The following TXNRD1 variants were observed in gnomAD, a reference collection of about 807,000 sequenced individuals.
The protein encoded by TXNRD1 is thioredoxin reductase 1.
A neutral mutation model predicts 80.3 loss-of-function variants in TXNRD1; 57 were observed. That is an observed-to-expected ratio of 0.71 (90% CI 0.57 to 0.89). TXNRD1 has a LOEUF of 0.89. TXNRD1 is among the 40% of genes least tolerant of loss of function. The pLI, the probability that TXNRD1 is intolerant of heterozygous loss-of-function variation, is 0.00. For missense variants in TXNRD1, 730 were observed against 803.0 expected (o/e 0.91, Z 1.10); for synonymous variants, 291 against 285.2 (o/e 1.02, Z -0.20).
chr12:104,217,276 G>A (rs1182770600), intron 1 of TXNRD1, among the ~76,000 whole-genome samples: 2 of 143,836 alleles, frequency 1.4e-5, no homozygotes, highest in African/African-American at 5.2e-5. Context: ...CATTCTTTTT[G>A]TGTGTGGTTA....
At chr12:104,310,274 G>A (rs914446709) in intron 4 of TXNRD1, among the ~76,000 whole-genome samples, 1 of 151,758 alleles carries the variant, frequency 6.6e-6, no homozygotes, top group Admixed American at 6.6e-5. Context: ...CTCAGCCTCC[G>A]GAGTAGCTGA....
intron 4 of TXNRD1, among the ~76,000 whole-genome samples, chr12:104,299,007 TC>T (rs1182358413): frequency 1.3e-5 from 2 of 152,200 alleles, no homozygotes; most frequent in African/African-American, 4.8e-5. Flanking sequence ...CATACTCAAG[TC>T]CCAAAGTCCA....
intron 3 of TXNRD1, among the ~76,000 whole-genome samples, chr12:104,267,699 T>TTCTTTCTTTCTTTCTTTC (rs1555209251): frequency 5.6e-4 from 26 of 46,434 alleles, no homozygotes; most frequent in Non-Finnish European, 1.1e-3. Context: ...CTTTCTTTCT[T>TTCTTTCTTTCTTTCTTTC]TCTCTCTTTC....
intron 3 of TXNRD1, among the ~76,000 whole-genome samples, chr12:104,268,414 A>C (rs2033582105): frequency 6.6e-6 from 1 of 150,604 alleles, no homozygotes; most frequent in South Asian, 2.1e-4. Flanking sequence ...AGTCCCAGCT[A>C]CTCCGGAGGG....
chr12:104,304,322 A>G, intron 4 of TXNRD1: 1 of 1,614,056 alleles, frequency 6.2e-7, no homozygotes, highest in Non-Finnish European at 8.5e-7. Context: ...CGTGGGTCTG[A>G]ATTGGATGGA....
chr12:104,283,144 G>A (rs1056603131), intron 3 of TXNRD1, among the ~76,000 whole-genome samples: 14 of 152,176 alleles, frequency 9.2e-5, no homozygotes, highest in Non-Finnish European at 1.5e-4. Context: ...TAAAAGATGA[G>A]AATCCATACA....
intron 3 of TXNRD1, among the ~76,000 whole-genome samples, chr12:104,274,560 G>C (rs549222219): frequency 6.6e-6 from 1 of 151,916 alleles, no homozygotes; most frequent in African/African-American, 2.4e-5. Flanking sequence ...TTAGCTGGGC[G>C]TGGCAGCGTG....
At chr12:104,255,175 C>T (rs144659265) in intron 2 of TXNRD1, among the ~76,000 whole-genome samples, 1 of 152,052 alleles carries the variant, frequency 6.6e-6, no homozygotes, top group African/African-American at 2.4e-5. Context: ...TTTAACCCTG[C>T]TGTAGTTCTG....
chr12:104,299,376 A>C (rs921151594), intron 4 of TXNRD1, among the ~76,000 whole-genome samples: 1 of 152,088 alleles, frequency 6.6e-6, no homozygotes, highest in African/African-American at 2.4e-5. Context: ...CATTAAAAAA[A>C]AAAATACAGA....
rs559430259 is a variant in TXNRD1, at chr12:104,234,229, C to T, written c.92-17298C>T. On this transcript the variant is annotated intron_variant, in intron 1 of 16. Coordinates refer to ENST00000525566, the MANE Select transcript of TXNRD1 (RefSeq NM_001093771.3). The stretch of plus-strand genomic sequence containing the variant: ...GCATTTTGATGATACTTGCATTTTG[C>T]CAATAATCTTTGAGACTGTTTTTAT... 1.2e-4 allele frequency among the ~76,000 whole-genome samples: 18 copies of T among 152,282 alleles called. No homozygotes were observed. In the South Asian group the frequency reaches 3.5e-3, roughly 30 times the overall value.
intron 4 of TXNRD1, among the ~76,000 whole-genome samples, chr12:104,294,985 A>G (rs2034389538): frequency 6.6e-6 from 1 of 152,334 alleles, no homozygotes; most frequent in Middle Eastern, 3.4e-3. Context: ...TTAGTAATGT[A>G]TCTGCTTTTG....
intron 3 of TXNRD1, among the ~76,000 whole-genome samples, chr12:104,278,240 G>C (rs1396099056): frequency 8.8e-6 from 1 of 113,054 alleles, no homozygotes; most frequent in Non-Finnish European, 1.8e-5. Context: ...TTGCTCTGTC[G>C]CCCAGGCTGG....
intron 1 of TXNRD1, among the ~76,000 whole-genome samples, chr12:104,219,532 A>G (rs1315853185): frequency 2.0e-5 from 3 of 152,210 alleles, no homozygotes; most frequent in Non-Finnish European, 2.9e-5. Flanking sequence ...ATGATGTGTA[A>G]TCATAAAAGT....
intron 4 of TXNRD1, chr12:104,290,873 A>G: frequency 1.9e-6 from 1 of 520,034 alleles, no homozygotes. Flanking sequence ...TCCTGGTTTT[A>G]ATGGCAATGG....
rs527776865 is a variant in TXNRD1 at position 104,338,979 on chromosome 12, G to A, written c.1747-160G>A. ...GATCCACCTGCCTCGGCCTCCCAAA[G>A]TGCTGGGATTACAGGCGTGAGCCAC... is the stretch of plus-strand genomic sequence containing the variant. On this transcript the variant is annotated intron_variant, in intron 15 of 16. Transcript: ENST00000525566. Among the ~76,000 whole-genome samples the A allele has an allele frequency of 4.6e-5, 7 of 152,288 alleles. No homozygotes were observed. The South Asian group carries it at 1.2e-3, about 27-fold the overall frequency.
At position 104,341,668 on chromosome 12, in the gene TXNRD1, A is replaced by T. The variant is rs145238304; in HGVS notation, c.1881+2395A>T. On this transcript the variant is annotated intron_variant, in intron 16 of 16. Coordinates refer to ENST00000525566, the MANE Select transcript of TXNRD1 (RefSeq NM_001093771.3). ...CCAGCTGGGTGTCTAGAAACAACCA[A>T]TTGTCTAGAACAACCAATTCTCCAG... Among the ~76,000 whole-genome samples, 257 of 144,370 alleles carry T rather than the reference A, an allele frequency of 1.8e-3. 2 individuals are homozygous for T. Among genetic ancestry groups the T allele is most frequent in the African/African-American group, 7.1e-3 (243 of 34,262 alleles). The allele number at this position is 144,370 out of a possible 152,430, so 94.7% of individuals were successfully genotyped here. A position where few individuals can be genotyped will look rare whatever the true frequency, so the allele number is the denominator to read the frequency against.
chr12:104,252,662 TTA>T lies in TXNRD1; in HGVS notation c.243+1012_243+1013del, dbSNP rs869105935. On this transcript the variant is annotated intron_variant, in intron 2 of 16. Transcript: ENST00000525566. ...CACTGAGAGGTTAATTTATTATTTTTTATATATATATATATATATATATATAT... is the reference window on the plus strand; with the variant it reads ...CACTGAGAGGTTAATTTATTATTTTTTATATATATATATATATATATATAT... 2.7e-3 allele frequency among the ~76,000 whole-genome samples: 124 copies of T among 45,806 alleles called. 2 individuals are homozygous for T. The highest frequency in any genetic ancestry group is 6.2e-3 in the South Asian group (7 of 1,130). 30.1% of individuals were successfully genotyped at this position (45,806 alleles called of 152,430 possible).
At chr12:104,324,334 A>G (rs1016464339) in intron 10 of TXNRD1, among the ~76,000 whole-genome samples, 2 of 150,998 alleles carry the variant, frequency 1.3e-5, no homozygotes, top group African/African-American at 2.4e-5. Flanking sequence ...AACCCTGGAT[A>G]GTTTCCCAGG....
Position 104,315,927 on chromosome 12 carries a change from G to A in TXNRD1, c.730+31G>A, listed in dbSNP as rs775767657. 6.3e-6 allele frequency: 10 copies of A among 1,591,016 alleles called. No individual in the cohort carries two copies. The South Asian group carries it at 1.0e-4, about 16-fold the overall frequency. On this transcript the variant is annotated intron_variant, in intron 7 of 16. Transcript: ENST00000525566. ...AGAGGGAAAAGCTACTCTTCTGTTT[G>A]TGCTTTTGGGGGTTTGAGCTGCAAT...
Sources: allele counts gnomAD v4.1 joint callset (sites outside exome capture counted in the v4.1 genomes callset), GRCh38; gene constraint gnomAD v4.1.1; transcripts MANE v1.5; gene names NCBI Gene and HGNC (gene_info 2026-07-23, HGNC 2026-07-21).